F13A1: variants seen among roughly 807,000 people sequenced by gnomAD.
F13A1 encodes the protein coagulation factor XIII A chain, also known as FSF, A subunit.
Under a neutral mutation model 80.1 loss-of-function variants are expected in F13A1, and 47 were observed. That is an observed-to-expected ratio of 0.59 (90% CI 0.46 to 0.75). The LOEUF (loss-of-function observed/expected upper bound fraction) is 0.75. Among genes scored for constraint, F13A1 ranks in the 30% least tolerant of loss-of-function variants. F13A1 has a pLI of 0.00. For synonymous variants in F13A1, 349 were observed against 344.9 expected (o/e 1.01, Z -0.13); for missense variants, 817 against 930.4 (o/e 0.88, Z 1.59).
intron 10 of F13A1, among the ~76,000 whole-genome samples, chr6:6,193,336 C>T (rs1216296041): frequency 6.6e-6 from 1 of 152,062 alleles, no homozygotes; most frequent in African/African-American, 2.4e-5. Flanking sequence ...AAGGAATGAC[C>T]AAGAAAGTCA....
intron 3 of F13A1, among the ~76,000 whole-genome samples, chr6:6,276,816 G>A (rs1190851859): frequency 1.3e-5 from 2 of 152,158 alleles, no homozygotes; most frequent in Non-Finnish European, 2.9e-5. Flanking sequence ...GTATTATATG[G>A]TGTCTGATGG....
chr6:6,181,401 G>A (rs1760983432), intron 11 of F13A1, among the ~76,000 whole-genome samples: 1 of 152,168 alleles, frequency 6.6e-6, no homozygotes, highest in South Asian at 2.1e-4. Flanking sequence ...ATTAAACTCA[G>A]TAGTGCCATT....
At chr6:6,207,420 A>C (rs1417694234) in intron 8 of F13A1, among the ~76,000 whole-genome samples, 3 of 152,228 alleles carry the variant, frequency 2.0e-5, no homozygotes, top group Non-Finnish European at 4.4e-5. Flanking sequence ...CAAATGTTTA[A>C]CATCATAATG....
At chr6:6,280,080 A>G (rs1205596268) in intron 3 of F13A1, among the ~76,000 whole-genome samples, 1 of 152,232 alleles carries the variant, frequency 6.6e-6, no homozygotes, top group African/African-American at 2.4e-5. Flanking sequence ...TCAACATAGA[A>G]AACATTCTAA....
At chr6:6,266,052 G>A (rs780271623) in intron 4 of F13A1, among the ~76,000 whole-genome samples, 5 of 152,122 alleles carry the variant, frequency 3.3e-5, no homozygotes, top group East Asian at 1.9e-4. Flanking sequence ...AATTAATCCC[G>A]AAATAAATGT....
intron 6 of F13A1, among the ~76,000 whole-genome samples, chr6:6,237,807 G>A (rs1351924564): frequency 6.6e-6 from 1 of 152,036 alleles, no homozygotes; most frequent in Non-Finnish European, 1.5e-5. Flanking sequence ...ATATTCCCAG[G>A]GCTAGCACAG....
In F13A1 at chr6:6,222,113, A is replaced by G. The variant is rs142274716; in HGVS notation, c.1032T>C (p.Asp344=). The G allele has an allele frequency of 3.5e-4, 562 of 1,614,074 alleles. 4 individuals carry two copies. The African/African-American group carries it at 7.0e-3, about 20-fold the overall frequency. The stretch of plus-strand genomic sequence containing the variant: ...TGTCCATTTGCAAATTGGCATCATT[A>G]TCATGGGCAGAGAAATAATTGGTAA... ...RIVTNYFSAH[D]NDANLQMDIF... The change falls in exon 8 of 15, where the codon GAT becomes GAC. Residue 344 remains aspartate, a synonymous_variant. Transcript: ENST00000264870.
intron 1 of F13A1, among the ~76,000 whole-genome samples, chr6:6,320,040 G>A (rs1448402738): frequency 1.3e-5 from 2 of 152,206 alleles, no homozygotes. Flanking sequence ...GGGAGAAGGG[G>A]GGAGCCCCAG....
intron 8 of F13A1, among the ~76,000 whole-genome samples, chr6:6,207,763 A>T (rs1444897949): frequency 6.6e-6 from 1 of 152,184 alleles, no homozygotes; most frequent in Non-Finnish European, 1.5e-5. Context: ...ATTTAAGGAA[A>T]TCTCTGTCCA....
intron 3 of F13A1, among the ~76,000 whole-genome samples, chr6:6,288,739 C>T (rs181379631): frequency 1.7e-4 from 26 of 152,310 alleles, no homozygotes; most frequent in Non-Finnish European, 3.7e-4. Context: ...CACGACTTTC[C>T]AAAACAGCTG....
intron 12 of F13A1, among the ~76,000 whole-genome samples, chr6:6,169,948 C>T: frequency 6.6e-6 from 1 of 152,162 alleles, no homozygotes; most frequent in South Asian, 2.1e-4. Flanking sequence ...GACCTTGGCC[C>T]CCAGGTCCTG....
chr6:6,222,017 T>C lies in F13A1; in HGVS notation c.1112+16A>G. 6.2e-7 allele frequency: 1 copy of C among 1,613,450 alleles called. No individual in the cohort carries two copies. The highest frequency in any genetic ancestry group is 8.5e-7 in the Non-Finnish European group (1 of 1,179,828). ...ATAATGTGACATCAGCCAATGCCAT[T>C]GTCAATCAAACTCACCACACTGAAT... On this transcript the variant is annotated intron_variant, in intron 8 of 14. Transcript: ENST00000264870.
At chr6:6,171,550 C>T (rs9504702) in intron 12 of F13A1, among the ~76,000 whole-genome samples, 5,242 of 152,250 alleles carry the variant, frequency 0.034, 327 homozygotes, top group African/African-American at 0.12. Context: ...CTATCAACCC[C>T]TTTCAGTGGA....
rs1460880832 is a variant in F13A1 at position 6,190,578 on chromosome 6, C to G, written c.1305+5219G>C. Among the ~76,000 whole-genome samples, 85 of 151,490 alleles carry G rather than the reference C, an allele frequency of 5.6e-4. 1 individual carries two copies. In the East Asian group the frequency reaches 9.7e-3, roughly 17 times the overall value. On this transcript the variant is annotated intron_variant, in intron 10 of 14. Coordinates refer to ENST00000264870, the MANE Select transcript of F13A1 (RefSeq NM_000129.4). ...GACCCACTTGAGGAGGCAGTCTGCC[C>G]CTTCTCAGATCTCCAGCTGCATGCT...
chr6:6,194,957 T>G (rs1469086686), intron 10 of F13A1, among the ~76,000 whole-genome samples: 1 of 152,222 alleles, frequency 6.6e-6, no homozygotes, highest in African/African-American at 2.4e-5. Context: ...TTATCAATTT[T>G]AGAAGGTTGC....
At chr6:6,271,583 C>A (rs895994142) in intron 3 of F13A1, among the ~76,000 whole-genome samples, 2 of 152,246 alleles carry the variant, frequency 1.3e-5, no homozygotes, top group Non-Finnish European at 2.9e-5. Context: ...TCGGGAAAGA[C>A]AGCATCCAAG....
chr6:6,264,332 T>C (rs948229518), intron 4 of F13A1, among the ~76,000 whole-genome samples: 3 of 152,240 alleles, frequency 2.0e-5, no homozygotes, highest in Non-Finnish European at 4.4e-5. Context: ...TGAAATTTCC[T>C]AGAGTTCTGA....
At chr6:6,170,812 G>A (rs13362722) in intron 12 of F13A1, among the ~76,000 whole-genome samples, 7,501 of 152,120 alleles carry the variant, frequency 0.049, 456 homozygotes, top group African/African-American at 0.15. Context: ...ATCAAGGCCT[G>A]AAGTTATGTG....
intron 6 of F13A1, among the ~76,000 whole-genome samples, chr6:6,232,609 A>G (rs1296858191): frequency 6.6e-6 from 1 of 152,230 alleles, no homozygotes; most frequent in Non-Finnish European, 1.5e-5. Flanking sequence ...TGGACTTAAC[A>G]GATATATACA....
Sources: gnomAD v4.1 joint callset for allele counts (sites outside exome capture counted in the v4.1 genomes callset) on GRCh38, gnomAD v4.1.1 for gene constraint, MANE v1.5 for transcripts, NCBI Gene and HGNC (gene_info 2026-07-23, HGNC 2026-07-21) for gene names.